CWH43: variants seen among roughly 807,000 people sequenced by gnomAD.
The protein encoded by CWH43 is PGAP2-interacting protein.
Under a neutral mutation model 85.7 loss-of-function variants are expected in CWH43, and 91 were observed. That is an observed-to-expected ratio of 1.06 (90% confidence interval 0.90 to 1.26). The LOEUF (loss-of-function observed/expected upper bound fraction) is 1.26, where lower values mean the gene tolerates loss of function less well. Among genes scored for constraint, CWH43 ranks in the 50% most tolerant of loss-of-function variants. CWH43 has a pLI of 0.00. For synonymous variants in CWH43, 323 were observed against 293.6 expected (o/e 1.10, Z -1.02); for missense variants, 869 against 839.2 (o/e 1.04, Z -0.44).
At chr4:49,011,220 C>T (rs1487757515) in intron 8 of CWH43, among the ~76,000 whole-genome samples, 2 of 152,282 alleles carry the variant, frequency 1.3e-5, no homozygotes, top group South Asian at 2.1e-4. Context: ...GATCCCTTTA[C>T]TATTATGTAA....
At chr4:49,032,757 A>G (rs1376481589) in intron 12 of CWH43, 42 bp downstream of exon 12, 3 of 1,602,942 alleles carry the variant, frequency 1.9e-6, no homozygotes, top group Non-Finnish European at 2.6e-6. Flanking sequence ...AAATGCCAAG[A>G]AATGTTATTA....
chr4:49,010,111 T>G (rs1464772280), intron 8 of CWH43, among the ~76,000 whole-genome samples: 4 of 152,082 alleles, frequency 2.6e-5, no homozygotes, highest in African/African-American at 9.7e-5. Context: ...GGTCCTGGAC[T>G]TTTTTTGGTT....
intron 9 of CWH43, among the ~76,000 whole-genome samples, chr4:49,027,963 C>T (rs899809327): frequency 2.0e-5 from 3 of 152,140 alleles, no homozygotes; most frequent in Middle Eastern, 3.2e-3. Flanking sequence ...CTTTCCAGTA[C>T]AGCAAGGGTG....
At chr4:48,990,261 A>T (rs1209712436) in intron 2 of CWH43, among the ~76,000 whole-genome samples, 4 of 152,174 alleles carry the variant, frequency 2.6e-5, no homozygotes. Context: ...GCAGAAGTAG[A>T]TTTATATTTG....
intron 9 of CWH43, among the ~76,000 whole-genome samples, chr4:49,018,931 A>G (rs1783647182): frequency 6.6e-6 from 1 of 152,126 alleles, no homozygotes; most frequent in Admixed American, 6.6e-5. Context: ...TGCTCCTTTA[A>G]CTGTCGGTCA....
intron 12 of CWH43, 127 bp downstream of exon 12, chr4:49,032,842 C>A: frequency 2.5e-6 from 3 of 1,188,228 alleles, no homozygotes; most frequent in Non-Finnish European, 3.6e-6. Flanking sequence ...TTTCTCCCTG[C>A]GTTGCTGGTT....
intron 5 of CWH43, 40 bp from the exon 6 acceptor site, chr4:48,998,420 T>A: frequency 2.1e-6 from 3 of 1,414,576 alleles, no homozygotes; most frequent in Non-Finnish European, 3.0e-6. Context: ...GATGAAATAT[T>A]ACTAATGTCA....
At chr4:49,008,369 A>T (rs1416981215) in intron 8 of CWH43, among the ~76,000 whole-genome samples, 1 of 144,970 alleles carries the variant, frequency 6.9e-6, no homozygotes, top group Non-Finnish European at 1.5e-5. Flanking sequence ...TAGATTCTGG[A>T]TATTAGCCCT....
At chr4:49,010,142 C>A (rs987968129) in intron 8 of CWH43, among the ~76,000 whole-genome samples, 49 of 152,082 alleles carry the variant, frequency 3.2e-4, no homozygotes, top group Non-Finnish European at 1.2e-4. Context: ...TAATTATTGC[C>A]TCAATTTCAG....
chr4:49,007,005 A>G (rs1783180604), intron 7 of CWH43, 196 bp from the exon 8 acceptor site: 1 of 481,918 alleles, frequency 2.1e-6, no homozygotes, highest in Admixed American at 4.3e-5. Context: ...TTAAAGCACG[A>G]TTCCTAGAAC....
intron 6 of CWH43, among the ~76,000 whole-genome samples, chr4:48,998,925 G>A (rs1401517828): frequency 1.3e-5 from 2 of 152,190 alleles, no homozygotes; most frequent in Non-Finnish European, 2.9e-5. Flanking sequence ...TGGGTTACAA[G>A]TGAGATTGAC....
At position 49,017,328 on chromosome 4, in the gene CWH43, G is replaced by T. The variant is rs183531143; in HGVS notation, c.1266G>T (p.Val422=). 2.5e-6 allele frequency: 4 copies of T among 1,598,322 alleles called. No homozygotes were observed. The highest frequency in any genetic ancestry group is 1.3e-5 in the African/African-American group (1 of 74,552). ...CCTATGAGAGAAAACTGGGCAAAGT[G>T]GTAAGTAATTAAAAACCTTGAAATA... ...HKAYERKLGK[V]APTKEVSAAI... Residue 422 remains valine, a splice_region_variant and synonymous_variant, in exon 9 of 16, where the codon GTG becomes GTT. Transcript: ENST00000226432.
chr4:49,059,920 C>T (rs1785092002), intron 15 of CWH43, among the ~76,000 whole-genome samples: 1 of 152,056 alleles, frequency 6.6e-6, no homozygotes, highest in Non-Finnish European at 1.5e-5. Context: ...GTGCCTGGAT[C>T]CATTGGGATA....
At chr4:49,028,798 A>G in intron 10 of CWH43, 64 bp downstream of exon 10, 1 of 1,082,740 alleles carries the variant, frequency 9.2e-7, no homozygotes, top group South Asian at 1.4e-5. Context: ...TATTTTCAGC[A>G]GGGTCATAAG....
chr4:49,026,178 A>G (rs536296180), intron 9 of CWH43, among the ~76,000 whole-genome samples: 1 of 152,320 alleles, frequency 6.6e-6, no homozygotes, highest in Admixed American at 6.5e-5. Context: ...AACCCACAGC[A>G]TGAAAGGCTG....
At chr4:49,005,696 A>G (rs1334526636) in intron 7 of CWH43, among the ~76,000 whole-genome samples, 1 of 151,198 alleles carries the variant, frequency 6.6e-6, no homozygotes, top group African/African-American at 2.4e-5. Flanking sequence ...ACACACCACC[A>G]TGCCTGGCTG....
At chr4:49,016,819 C>T (rs1445629371) in intron 8 of CWH43, 1 of 778,052 alleles carries the variant, frequency 1.3e-6, no homozygotes, top group Non-Finnish European at 2.4e-6. Context: ...GCACGGGCCA[C>T]TTTCTGCTCA....
rs149447165 is a variant in CWH43, at chr4:49,061,867, A to G, written c.2077A>G (p.Asn693Asp). 18 of 1,377,976 alleles carry G rather than the reference A, an allele frequency of 1.3e-5. No individual in the cohort carries two copies. In the African/African-American group the frequency reaches 2.5e-4, roughly 19 times the overall value. The allele number at this position is 1,377,976 out of a possible 1,614,324, so 85.4% of individuals were successfully genotyped here. A position where few individuals can be genotyped will look rare whatever the true frequency, so the allele number is the denominator to read the frequency against. ...TGAAAACAACCATCATTTTCATATGAATACTCCCAAATACTTTTTATGAAA... is the reference window on the plus strand; with the variant it reads ...TGAAAACAACCATCATTTTCATATGGATACTCCCAAATACTTTTTATGAAA... ...NYENNHHFHM[N>D]TPKYFL The change falls in exon 16 of 16, where the codon AAT becomes GAT. Residue 693 changes from asparagine to aspartate, a missense_variant. This residue lies in a region of CWH43 where 577 missense variants were observed against 513.1 expected (regional missense o/e 1.12). Transcript: ENST00000226432.
chr4:49,057,519 C>G (rs1419633301), intron 15 of CWH43, among the ~76,000 whole-genome samples: 4 of 152,190 alleles, frequency 2.6e-5, no homozygotes, highest in African/African-American at 9.6e-5. Context: ...ACTTTTCCCT[C>G]TAGCTTAGTG....
Sources: gnomAD v4.1 joint callset for allele counts (sites outside exome capture counted in the v4.1 genomes callset) on GRCh38, gnomAD v4.1.1 for gene constraint, gnomAD v4.1.1 regional missense constraint, MANE v1.5 for transcripts, NCBI Gene and HGNC (gene_info 2026-07-23, HGNC 2026-07-21) for gene names.